Variants in TCP11 observed in about 807,000 individuals in gnomAD.
The protein encoded by TCP11 is t-complex 11.
A neutral mutation model predicts 45.0 loss-of-function variants in TCP11; 34 were observed. The observed-to-expected ratio is 0.76, with a 90% CI of 0.57 to 1.01. The LOEUF is 1.01. TCP11 is among the 50% of genes least tolerant of loss of function. The probability of loss-of-function intolerance (pLI) is 0.00; values close to 1 mark genes in which losing one functional copy is unlikely to be tolerated. For missense variants in TCP11, 523 were observed against 598.1 expected (o/e 0.87, Z 1.31); for synonymous variants, 227 against 227.0 (o/e 1.00, Z 0.00).
chr6:35,138,281 G>T (rs1339466050), intron 2 of TCP11, among the ~76,000 whole-genome samples: 1 of 152,156 alleles, frequency 6.6e-6, no homozygotes, highest in East Asian at 1.9e-4. Context: ...AGAGATATCT[G>T]CACTCCCATG....
chr6:35,124,087 G>A (rs1779577208), intron 4 of TCP11, among the ~76,000 whole-genome samples: 1 of 152,098 alleles, frequency 6.6e-6, no homozygotes, highest in Admixed American at 6.5e-5. Flanking sequence ...AGCCACCACA[G>A]CCAGCCCCTT....
chr6:35,132,025 T>C (rs1780508064), intron 3 of TCP11, among the ~76,000 whole-genome samples: 2 of 152,252 alleles, frequency 1.3e-5, no homozygotes, highest in African/African-American at 2.4e-5. Flanking sequence ...AGATGCCATA[T>C]TCAACATGAT....
chr6:35,118,279 T>TC lies in TCP11; in HGVS notation c.1501dup (p.Glu501GlyfsTer63). On this transcript the variant is annotated frameshift_variant, in exon 10 of 10. Coordinates refer to ENST00000311875, the MANE Select transcript of TCP11 (RefSeq NM_001370687.1). LOFTEE classifies it high-confidence loss of function. The stretch of plus-strand genomic sequence containing the variant: ...TCTGAGCCGACGCTATCAAACAGAC[T>TC]CCACTTTTGTTTCCAGTGCCTGGGC... 6.2e-7 allele frequency: 1 copy of TC among 1,614,066 alleles called. No individual in the cohort carries two copies. Among genetic ancestry groups the TC allele is most frequent in the Non-Finnish European group, 8.5e-7 (1 of 1,179,974 alleles).
chr6:35,124,386 A>G (rs546234085), intron 4 of TCP11, among the ~76,000 whole-genome samples: 66 of 152,294 alleles, frequency 4.3e-4, no homozygotes, highest in Non-Finnish European at 6.8e-4. Context: ...GGAACCACAC[A>G]TGGACCTTTA....
intron 1 of TCP11, 40 bp from the exon 2 acceptor site, chr6:35,140,924 G>T: frequency 6.6e-7 from 1 of 1,526,034 alleles, no homozygotes; most frequent in Non-Finnish European, 8.8e-7. Context: ...CGTCGGGGAA[G>T]GGGCCTCCCC....
chr6:35,137,637 G>C (rs2127688461), intron 2 of TCP11: 1 of 286,966 alleles, frequency 3.5e-6, no homozygotes, highest in South Asian at 3.1e-5. Flanking sequence ...TTTTAGTGCA[G>C]ACCTATAGTA....
At chr6:35,128,865 C>T (rs1054187961) in intron 4 of TCP11, 197 bp downstream of exon 4, 37 of 621,332 alleles carry the variant, frequency 6.0e-5, no homozygotes, top group Non-Finnish European at 8.7e-5. Context: ...ACTAGCCAAG[C>T]CCTCATTTCT....
In TCP11 at chr6:35,120,050, C is replaced by T; in HGVS notation, c.1115+109G>A. 1.5e-6 allele frequency: 2 copies of T among 1,362,780 alleles called. No individual in the cohort carries two copies. Among genetic ancestry groups the T allele is most frequent in the Non-Finnish European group, 2.0e-6 (2 of 1,008,472 alleles). 84.4% of individuals were successfully genotyped at this position (1,362,780 alleles called of 1,614,324 possible). ...CCAACAATCTTTGTAGATGGTTCCACAGGGCCTTTCTGTGGTTTGTGGTAG... is the reference window on the plus strand; with the variant it reads ...CCAACAATCTTTGTAGATGGTTCCATAGGGCCTTTCTGTGGTTTGTGGTAG... On this transcript the variant is annotated intron_variant, in intron 8 of 9. Coordinates refer to ENST00000311875, the MANE Select transcript of TCP11 (RefSeq NM_001370687.1). The surrounding 1 kb of genome is among the most constrained non-coding windows in gnomAD (Gnocchi z 4.9).
At position 35,129,095 on chromosome 6, in the gene TCP11, G is replaced by A; in HGVS notation, c.324C>T (p.Ser108=). ...TTTCTTTCAGAAGTTCAAGAGCACA[G>A]CTGAAGTCAGGGGGAGTTGCTGATA... is the stretch of plus-strand genomic sequence containing the variant. ...EQLSATPPDF[S]CALELLKEIK... Residue 108 remains serine (S), a synonymous_variant, in exon 4 of 10, where the codon AGC becomes AGT. Coordinates refer to ENST00000311875, the MANE Select transcript of TCP11 (RefSeq NM_001370687.1). 6.2e-7 allele frequency: 1 copy of A among 1,614,158 alleles called. No homozygotes were observed. Among genetic ancestry groups the A allele is most frequent in the Non-Finnish European group, 8.5e-7 (1 of 1,180,008 alleles).
chr6:35,119,450 G>T, intron 8 of TCP11, 59 bp from the exon 9 acceptor site: 1 of 1,584,080 alleles, frequency 6.3e-7, no homozygotes. Flanking sequence ...TAGGCCCAGG[G>T]CCCAGCATGC....
rs538048810 is a variant in TCP11 at position 35,131,046 on chromosome 6, G to A, written c.237-1864C>T. Among the ~76,000 whole-genome samples the A allele has an allele frequency of 2.6e-5, 4 of 152,336 alleles. 1 individual carries two copies. The South Asian group carries it at 8.3e-4, about 32-fold the overall frequency. On this transcript the variant is annotated intron_variant, in intron 3 of 9. Coordinates refer to ENST00000311875, the MANE Select transcript of TCP11 (RefSeq NM_001370687.1). Reference sequence around the variant, plus strand: ...AAAATGATTTGGGAGGCTGAGGCAGGTGGATTACTTGAGGTCAGGGGTTCA... The same window carrying A: ...AAAATGATTTGGGAGGCTGAGGCAGATGGATTACTTGAGGTCAGGGGTTCA...
chr6:35,139,442 T>C (rs1781480256), intron 2 of TCP11, among the ~76,000 whole-genome samples: 1 of 152,220 alleles, frequency 6.6e-6, no homozygotes, highest in Non-Finnish European at 1.5e-5. Context: ...TAGGTAAACA[T>C]GAAGGTGAAC....
Position 35,140,812 on chromosome 6 carries a change from G to A in TCP11, c.59C>T (p.Ser20Phe), listed in dbSNP as rs201851411. The part of the protein sequence containing the change: ...PKYPGDSEGR[S>F]CKPETSGPPQ... Reference sequence around the variant, plus strand: ...GGGTCCTGAGGTTTCGGGCTTACAGGACCTGCCCTCTGAGTCGCCAGGATA... The same window carrying A: ...GGGTCCTGAGGTTTCGGGCTTACAGAACCTGCCCTCTGAGTCGCCAGGATA... The change falls in exon 2 of 10, where the codon TCC becomes TTC. Residue 20 changes from serine to phenylalanine, a missense_variant. Transcript: ENST00000311875. The A allele has an allele frequency of 9.6e-5, 149 of 1,547,352 alleles. No individual in the cohort carries two copies. The highest frequency in any genetic ancestry group is 7.9e-4 in the Admixed American group (38 of 47,832).
In TCP11 at chr6:35,129,169, C is replaced by T; in HGVS notation, c.250G>A (p.Val84Ile). The T allele has an allele frequency of 1.2e-6, 2 of 1,613,500 alleles. No homozygotes were observed. Among genetic ancestry groups the T allele is most frequent in the Non-Finnish European group, 1.7e-6 (2 of 1,179,816 alleles). ...AAGGCATTGTGCACTGTCTCCTTGA[C>T]CTTGCCTTCCAGACTATAAGAGGGT... The part of the protein sequence containing the change: ...VLPPSSLEGK[V>I]KETVHNAFWD... Residue 84 changes from valine to isoleucine, a missense_variant, in exon 4 of 10, where the codon GTC becomes ATC. Around this residue, in one of 2 missense-constraint regions of TCP11, gnomAD observed 225 missense variants for 210.2 expected, o/e 1.07. Coordinates refer to ENST00000311875, the MANE Select transcript of TCP11 (RefSeq NM_001370687.1).
chr6:35,134,839 CATTTATAGCA>C (rs907321668), intron 3 of TCP11, among the ~76,000 whole-genome samples: 4 of 151,998 alleles, frequency 2.6e-5, no homozygotes, highest in African/African-American at 9.7e-5. Context: ...TGTAATGACT[CATTTATAGCA>C]AACAGAATGT....
intron 3 of TCP11, among the ~76,000 whole-genome samples, chr6:35,135,096 G>A (rs112894534): frequency 6.6e-6 from 1 of 150,612 alleles, no homozygotes; most frequent in African/African-American, 2.5e-5. Flanking sequence ...GCAGTGAGCC[G>A]AGATCGCGCC....
At chr6:35,118,786 T>TA (rs1778910981) in intron 9 of TCP11, among the ~76,000 whole-genome samples, 1 of 152,210 alleles carries the variant, frequency 6.6e-6, no homozygotes, top group African/African-American at 2.4e-5. Flanking sequence ...AGGAGGAACT[T>TA]AGACTGATCC....
intron 3 of TCP11, among the ~76,000 whole-genome samples, chr6:35,130,763 G>T (rs1034036987): frequency 6.6e-6 from 1 of 152,220 alleles, no homozygotes; most frequent in African/African-American, 2.4e-5. Context: ...TTCACTGCTG[G>T]TCAGATGTAA....
At chr6:35,128,993 T>A (rs2127665391) in intron 4 of TCP11, 69 bp downstream of exon 4, 1 of 1,573,934 alleles carries the variant, frequency 6.4e-7, no homozygotes, top group South Asian at 1.2e-5. Flanking sequence ...TAAGATTTGC[T>A]AGCCACTGAC....
Sources: gnomAD v4.1 joint callset for allele counts (sites outside exome capture counted in the v4.1 genomes callset) on GRCh38, gnomAD v4.1.1 for gene constraint, gnomAD v4.1.1 regional missense constraint, Gnocchi (gnomAD v3.1) non-coding constraint, MANE v1.5 for transcripts, NCBI Gene and HGNC (gene_info 2026-07-23, HGNC 2026-07-21) for gene names.